BRI3BP: variants seen among roughly 807,000 people sequenced by gnomAD.
BRI3BP encodes BRI3-binding protein.
BRI3BP carries 7 observed loss-of-function variants against 15.8 expected under a neutral mutation model. That is an observed-to-expected ratio of 0.44 (90% CI 0.25 to 0.83). The LOEUF (loss-of-function observed/expected upper bound fraction) is 0.83. Among genes scored for constraint, BRI3BP ranks in the 40% least tolerant of loss-of-function variants. The pLI, the probability that BRI3BP is intolerant of heterozygous loss-of-function variation, is 0.20. For missense variants in BRI3BP, 320 were observed against 339.3 expected (o/e 0.94, Z 0.45); for synonymous variants, 192 against 163.5 (o/e 1.17, Z -1.33).
intron 1 of BRI3BP, among the ~76,000 whole-genome samples, chr12:125,004,184 T>A (rs763567636): frequency 6.6e-6 from 1 of 152,208 alleles, no homozygotes; most frequent in Admixed American, 6.5e-5. Context: ...TTTTTTAAAA[T>A]TTTTTTGAGA....
chr12:125,050,218 C>G, the BRI3BP span, among the ~76,000 whole-genome samples: 1 of 151,842 alleles, frequency 6.6e-6, no homozygotes, highest in South Asian at 2.1e-4. Context: ...GGCATGGTGG[C>G]GGGCGCCTGT....
intron 1 of BRI3BP, among the ~76,000 whole-genome samples, chr12:125,005,701 G>A (rs141806302): frequency 6.8e-4 from 103 of 152,118 alleles, no homozygotes; most frequent in African/African-American, 2.1e-3. Context: ...AACCCGTGGG[G>A]TGGGGAGCGG....
At chr12:125,039,505 G>A in the BRI3BP span, among the ~76,000 whole-genome samples, 1 of 152,110 alleles carries the variant, frequency 6.6e-6, no homozygotes, top group Non-Finnish European at 1.5e-5. Context: ...TACTCGCCTT[G>A]GGAGGAGATA....
In BRI3BP at chr12:125,026,584, G is replaced by A. The variant is rs1159410075; in HGVS notation, c.*1154G>A. 6.6e-6 allele frequency: 1 copy of A among 152,078 alleles called. No homozygotes were observed. Among genetic ancestry groups the A allele is most frequent in the Non-Finnish European group, 1.5e-5 (1 of 68,034 alleles). 9.4% of individuals were successfully genotyped at this position (152,078 alleles called of 1,614,324 possible). On this transcript the variant is annotated 3_prime_UTR_variant, in exon 3 of 3. Coordinates refer to ENST00000341446, the MANE Select transcript of BRI3BP (RefSeq NM_080626.6). ...CGAGGTGGACAGCTGTGGGGATCCTGGGCAAGGGAGTTTCAGAAGGTGTGG... is the reference window on the plus strand; with the variant it reads ...CGAGGTGGACAGCTGTGGGGATCCTAGGCAAGGGAGTTTCAGAAGGTGTGG...
chr12:125,045,398 C>T, the BRI3BP span, among the ~76,000 whole-genome samples: 6 of 152,110 alleles, frequency 3.9e-5, no homozygotes, highest in South Asian at 2.1e-4. Flanking sequence ...AGTGCTGTAG[C>T]GCGATCCCGG....
chr12:124,994,006 G>T lies in BRI3BP; in HGVS notation c.213+3G>T. 7.5e-7 allele frequency: 1 copy of T among 1,334,006 alleles called. No individual in the cohort carries two copies. Among genetic ancestry groups the T allele is most frequent in the Non-Finnish European group, 9.7e-7 (1 of 1,028,610 alleles). 82.6% of individuals were successfully genotyped at this position (1,334,006 alleles called of 1,614,324 possible). Reference sequence around the variant, plus strand: ...ACAACGTGCGCGCCGCTCAGAAGGTGGGCGCCGGGCCCGCGCCCGCGGTCA... The same window carrying T: ...ACAACGTGCGCGCCGCTCAGAAGGTTGGCGCCGGGCCCGCGCCCGCGGTCA... On this transcript the variant is annotated splice_donor_region_variant and intron_variant, in intron 1 of 2. Coordinates refer to ENST00000341446, the MANE Select transcript of BRI3BP (RefSeq NM_080626.6).
intron 1 of BRI3BP, among the ~76,000 whole-genome samples, chr12:124,998,066 G>A: frequency 6.6e-6 from 1 of 150,804 alleles, no homozygotes; most frequent in East Asian, 1.9e-4. Flanking sequence ...GGCCGTTGCA[G>A]TGAGCCAAGA....
the BRI3BP span, among the ~76,000 whole-genome samples, chr12:125,047,174 T>A: frequency 6.6e-6 from 1 of 151,424 alleles, no homozygotes; most frequent in Non-Finnish European, 1.5e-5. Context: ...TGAGACGGAG[T>A]CTTGCTGTCA....
At chr12:125,045,188 C>G in the BRI3BP span, among the ~76,000 whole-genome samples, 1 of 152,270 alleles carries the variant, frequency 6.6e-6, no homozygotes, top group East Asian at 1.9e-4. Flanking sequence ...AAAAAAACCA[C>G]TGCAAAGAAC....
Position 124,995,178 on chromosome 12 carries a change from A to G in BRI3BP, c.213+1175A>G, listed in dbSNP as rs188659324. Among the ~76,000 whole-genome samples the G allele has an allele frequency of 1.4e-3, 207 of 152,316 alleles. 2 individuals are homozygous for G. Among genetic ancestry groups the G allele is most frequent in the Admixed American group, 5.3e-3 (81 of 15,294 alleles). Reference sequence around the variant, plus strand: ...GTTTTGACCTCCCTCTCCTGTGGGCAGGGGCACCTCTTGCACAGGTGGGTC... The same window carrying G: ...GTTTTGACCTCCCTCTCCTGTGGGCGGGGGCACCTCTTGCACAGGTGGGTC... On this transcript the variant is annotated intron_variant, in intron 1 of 2. Transcript: ENST00000341446.
chr12:125,036,159 G>A (rs1955438942), downstream of BRI3BP, among the ~76,000 whole-genome samples: 1 of 152,170 alleles, frequency 6.6e-6, no homozygotes, highest in Non-Finnish European at 1.5e-5. Context: ...CCGCCTCCCA[G>A]GTTCAAGCGA....
At position 125,005,773 on chromosome 12, in the gene BRI3BP, TTAA is replaced by T. The variant is rs1565903079; in HGVS notation, c.214-6760_214-6758del. 2.2e-5 allele frequency among the ~76,000 whole-genome samples: 3 copies of T among 135,836 alleles called. No individual in the cohort carries two copies. In the Admixed American group the frequency reaches 2.7e-4, roughly 12 times the overall value. The allele number at this position is 135,836 out of a possible 152,430, so 89.1% of individuals were successfully genotyped here. On this transcript the variant is annotated intron_variant, in intron 1 of 2. Coordinates refer to ENST00000341446, the MANE Select transcript of BRI3BP (RefSeq NM_080626.6). ...AGCCTGGGTGACAGAGCAAGACTGTTTAAAAAAAAAAAAAAGATCTAGAGGCCC... is the reference window on the plus strand; with the variant it reads ...AGCCTGGGTGACAGAGCAAGACTGTTAAAAAAAAAAAAGATCTAGAGGCCC...
chr12:125,050,469 C>T, the BRI3BP span, among the ~76,000 whole-genome samples: 2 of 152,108 alleles, frequency 1.3e-5, no homozygotes, highest in Admixed American at 1.3e-4. Flanking sequence ...TTAAAGTGCC[C>T]AAAATGTCCA....
At position 125,019,660 on chromosome 12, in the gene BRI3BP, C is replaced by CTTTTTTTTTTTTTTTTTTT; in HGVS notation, c.317-5325_317-5324insTTTTTTTTTTTTTTTTTTT. Among the ~76,000 whole-genome samples the CTTTTTTTTTTTTTTTTTTT allele has an allele frequency of 7.7e-3, 189 of 24,694 alleles. 18 individuals are homozygous for CTTTTTTTTTTTTTTTTTTT. Among genetic ancestry groups the CTTTTTTTTTTTTTTTTTTT allele is most frequent in the South Asian group, 0.015 (9 of 584 alleles). The allele number at this position is 24,694 out of a possible 152,430, so 16.2% of individuals were successfully genotyped here. A position where few individuals can be genotyped will look rare whatever the true frequency, so the allele number is the denominator to read the frequency against. ...CTTTTTTTTTTTTTTTTTTTTTTGC[C>CTTTTTTTTTTTTTTTTTTT]TTTTTTGCTGTGAGTACTTGAAAAT... is the stretch of plus-strand genomic sequence containing the variant. On this transcript the variant is annotated intron_variant, in intron 2 of 2. Transcript: ENST00000341446.
chr12:125,043,992 T>A, the BRI3BP span, among the ~76,000 whole-genome samples: 6 of 147,126 alleles, frequency 4.1e-5, no homozygotes, highest in Admixed American at 4.2e-4. Context: ...ACCATTGCAC[T>A]CCAGCCTAGG....
chr12:125,002,942 T>C (rs940382124), intron 1 of BRI3BP, among the ~76,000 whole-genome samples: 2 of 152,232 alleles, frequency 1.3e-5, no homozygotes, highest in Non-Finnish European at 2.9e-5. Flanking sequence ...TGGTTGACGC[T>C]GAATTTGATC....
chr12:125,015,163 T>C (rs1221270952), intron 2 of BRI3BP, among the ~76,000 whole-genome samples: 4 of 152,238 alleles, frequency 2.6e-5, no homozygotes, highest in African/African-American at 9.6e-5. Flanking sequence ...GTTCCAGTCC[T>C]AATCCTGGAC....
intron 1 of BRI3BP, among the ~76,000 whole-genome samples, chr12:125,010,101 CAA>C (rs34509244): frequency 8.4e-5 from 12 of 143,366 alleles, no homozygotes; most frequent in Admixed American, 7.0e-5. Flanking sequence ...GACCCTGTCT[CAA>C]AAAAAAAAAA....
chr12:125,041,845 G>T, the BRI3BP span, among the ~76,000 whole-genome samples: 24 of 152,276 alleles, frequency 1.6e-4, no homozygotes, highest in Non-Finnish European at 2.4e-4. Context: ...GGTGTGCACT[G>T]TCACACCTGG....
Sources: gnomAD v4.1 joint callset for allele counts (sites outside exome capture counted in the v4.1 genomes callset) on GRCh38, gnomAD v4.1.1 for gene constraint, MANE v1.5 for transcripts, NCBI Gene and HGNC (gene_info 2026-07-23, HGNC 2026-07-21) for gene names.